The following CNTNAP5 variants were observed in gnomAD, a reference collection of about 807,000 sequenced individuals.
The protein encoded by CNTNAP5 is contactin-associated protein-like 5.
Under a neutral mutation model 150.2 loss-of-function variants are expected in CNTNAP5, and 72 were observed. The ratio of observed to expected loss-of-function variants is 0.48; its 90% CI spans 0.40 to 0.58. CNTNAP5 has a LOEUF of 0.58. Ranked by LOEUF, CNTNAP5 falls within the 20% of genes least tolerant of loss-of-function variation. The pLI is 0.00. For synonymous variants in CNTNAP5, 672 were observed against 619.8 expected (o/e 1.08, Z -1.25); for missense variants, 1,636 against 1,626.2 (o/e 1.01, Z -0.10).
chr2:124,677,594 T>G (rs747498829), intron 13 of CNTNAP5, among the ~76,000 whole-genome samples: 2 of 152,110 alleles, frequency 1.3e-5, no homozygotes, highest in Non-Finnish European at 2.9e-5. Flanking sequence ...TGGTGCATTT[T>G]TACAGAGTGC....
chr2:124,282,116 C>G (rs1030452375), intron 3 of CNTNAP5, among the ~76,000 whole-genome samples: 4 of 151,768 alleles, frequency 2.6e-5, no homozygotes, highest in Non-Finnish European at 5.9e-5. Context: ...AGGTAGAGAT[C>G]CCAACAAGCA....
At chr2:124,481,203 T>C (rs972031965) in intron 7 of CNTNAP5, among the ~76,000 whole-genome samples, 1 of 152,178 alleles carries the variant, frequency 6.6e-6, no homozygotes, top group African/African-American at 2.4e-5. Context: ...AACAAGTCCC[T>C]TGGGGCTATT....
chr2:124,170,834 C>G (rs1684913737), intron 1 of CNTNAP5, among the ~76,000 whole-genome samples: 1 of 151,906 alleles, frequency 6.6e-6, no homozygotes, highest in Non-Finnish European at 1.5e-5. Flanking sequence ...AACAAATAGA[C>G]AGAGGGAGTG....
Position 124,763,762 on chromosome 2 carries a change from C to A in CNTNAP5, c.2325C>A (p.Ala775=). The A allele has an allele frequency of 6.2e-7, 1 of 1,613,070 alleles. No homozygotes were observed. ...ATACCGACAGATCAAACTCAGAAGC[C>A]GCTTGGAGAATTGGTCCCTTGCGTT... is the stretch of plus-strand genomic sequence containing the variant. ...ITDTDRSNSE[A]AWRIGPLRCY... is the part of the protein sequence containing the mutation. The change falls in exon 15 of 24, where the codon GCC becomes GCA. Residue 775 remains alanine (A), a synonymous_variant. Transcript: ENST00000682447.
chr2:124,846,058 G>T (rs977585586), intron 19 of CNTNAP5, among the ~76,000 whole-genome samples: 6 of 151,646 alleles, frequency 4.0e-5, no homozygotes, highest in Non-Finnish European at 8.8e-5. Context: ...TTTGGGCTTA[G>T]ATTGTTCTTG....
At chr2:124,132,202 A>G (rs909032913) in intron 1 of CNTNAP5, among the ~76,000 whole-genome samples, 2 of 152,178 alleles carry the variant, frequency 1.3e-5, no homozygotes, top group Non-Finnish European at 2.9e-5. Flanking sequence ...TGGAGATCTG[A>G]GCAGAACCTA....
chr2:124,390,729 G>A (rs955900687), intron 3 of CNTNAP5, among the ~76,000 whole-genome samples: 4 of 151,936 alleles, frequency 2.6e-5, no homozygotes, highest in African/African-American at 7.3e-5. Flanking sequence ...AAATTATTTG[G>A]CCAAACCCTT....
chr2:124,736,932 G>A (rs1680394662), intron 13 of CNTNAP5, among the ~76,000 whole-genome samples: 2 of 151,990 alleles, frequency 1.3e-5, no homozygotes, highest in Non-Finnish European at 2.9e-5. Flanking sequence ...TAATTCCAAT[G>A]GGGAATACAT....
Position 124,903,034 on chromosome 2 carries a change from G to C in CNTNAP5, c.3589G>C (p.Glu1197Gln), listed in dbSNP as rs539878499. Residue 1197 changes from glutamate to glutamine, a missense_variant, in exon 22 of 24, where the codon GAA becomes CAA. By Grantham distance (29) the Glu-to-Gln change is conservative (BLOSUM62 2). Coordinates refer to ENST00000682447, the MANE Select transcript of CNTNAP5 (RefSeq NM_001367498.1). ...APVTVHGTLTESSCGFMVDSD... is the reference protein window; with the variant it reads ...APVTVHGTLTQSSCGFMVDSD... ...TGTGACTGTCCATGGGACCTTGACG[G>C]AATCCAGCTGTGGCTTCATGGTGGA... The C allele has an allele frequency of 6.2e-7, 1 of 1,607,562 alleles. No individual in the cohort carries two copies. Among genetic ancestry groups the C allele is most frequent in the Admixed American group, 1.7e-5 (1 of 59,190 alleles).
intron 12 of CNTNAP5, among the ~76,000 whole-genome samples, chr2:124,635,731 C>A (rs979048518): frequency 6.6e-6 from 1 of 152,114 alleles, no homozygotes; most frequent in Admixed American, 6.6e-5. Context: ...TCTAGACATT[C>A]CAAAGAATAA....
intron 12 of CNTNAP5, among the ~76,000 whole-genome samples, chr2:124,627,644 G>T (rs768321583): frequency 6.6e-6 from 1 of 151,934 alleles, no homozygotes; most frequent in Admixed American, 6.6e-5. Flanking sequence ...AATCCCAAAA[G>T]TCAAAATGCC....
chr2:124,876,380 C>T (rs1349813360), intron 21 of CNTNAP5, among the ~76,000 whole-genome samples: 1 of 151,196 alleles, frequency 6.6e-6, no homozygotes, highest in African/African-American at 2.4e-5. Context: ...TTGAGCTGTT[C>T]TTACCAGAGA....
intron 11 of CNTNAP5, among the ~76,000 whole-genome samples, chr2:124,599,837 G>C (rs1232322739): frequency 6.6e-6 from 1 of 151,476 alleles, no homozygotes; most frequent in Non-Finnish European, 1.5e-5. Context: ...CATGGGTTGG[G>C]GGGAGCTCCT....
chr2:124,900,208 TG>T (rs1231716144), intron 21 of CNTNAP5, among the ~76,000 whole-genome samples: 1 of 151,632 alleles, frequency 6.6e-6, no homozygotes, highest in Non-Finnish European at 1.5e-5. Flanking sequence ...TGCAGTTGTA[TG>T]TAGCTACTCA....
intron 1 of CNTNAP5, among the ~76,000 whole-genome samples, chr2:124,151,603 T>A (rs1684407125): frequency 6.6e-6 from 1 of 152,254 alleles, no homozygotes; most frequent in South Asian, 2.1e-4. Flanking sequence ...GTTGTCTTTG[T>A]CATATGAATT....
intron 17 of CNTNAP5, among the ~76,000 whole-genome samples, chr2:124,786,209 G>T (rs1000017915): frequency 6.6e-6 from 1 of 151,270 alleles, no homozygotes; most frequent in Middle Eastern, 3.2e-3. Context: ...GCTGCAGTGC[G>T]CTATGATCAC....
At chr2:124,208,478 A>T (rs551508310) in intron 1 of CNTNAP5, among the ~76,000 whole-genome samples, 2 of 152,342 alleles carry the variant, frequency 1.3e-5, no homozygotes, top group South Asian at 4.1e-4. Flanking sequence ...GAGTAATAGC[A>T]TGTGAAAGAA....
chr2:124,142,314 C>T (rs1384708669), intron 1 of CNTNAP5, among the ~76,000 whole-genome samples: 38 of 139,514 alleles, frequency 2.7e-4, no homozygotes, highest in Non-Finnish European at 3.3e-4. Context: ...CAGAACTCTC[C>T]ACCCCAAATC....
At chr2:124,690,994 A>G (rs1679289449) in intron 13 of CNTNAP5, among the ~76,000 whole-genome samples, 1 of 152,126 alleles carries the variant, frequency 6.6e-6, no homozygotes, top group African/African-American at 2.4e-5. Flanking sequence ...ACTTGATCAT[A>G]CTTTTACACA....
Sources: allele counts gnomAD v4.1 joint callset (sites outside exome capture counted in the v4.1 genomes callset), GRCh38; gene constraint gnomAD v4.1.1; transcripts MANE v1.5; gene names NCBI Gene and HGNC (gene_info 2026-07-23, HGNC 2026-07-21).